Variants in NFIX observed in about 807,000 individuals in gnomAD.
The protein encoded by NFIX is nuclear factor I X.
In NFIX, 2 loss-of-function variants were observed where a neutral mutation model predicts 53.3. The observed-to-expected ratio is 0.04, with a 90% CI of 0.02 to 0.12. NFIX has a LOEUF of 0.12. Among genes scored for constraint, NFIX ranks in the 10% least tolerant of loss-of-function variants. NFIX has a pLI of 1.00. For synonymous variants in NFIX, 244 were observed against 289.0 expected, an observed-to-expected ratio of 0.84 and a Z score of 1.58; for missense variants, 310 against 674.5, an observed-to-expected ratio of 0.46 and a Z score of 5.99.
intron 2 of NFIX, among the ~76,000 whole-genome samples, chr19:13,029,691 A>C (rs1157794928): frequency 6.6e-6 from 1 of 152,104 alleles, no homozygotes; most frequent in Non-Finnish European, 1.5e-5. Flanking sequence ...AGGTCCCGGG[A>C]CAGCTGAGCT....
Position 13,095,395 on chromosome 19 carries a change from G to A in NFIX, c.*746G>A, listed in dbSNP as rs1281170127. ...CACCCTGAGCCGCAAGAGCAGTCCT[G>A]GGGCCCTGGACCCCTCTGTACAGTC... On this transcript the variant is annotated 3_prime_UTR_variant, in exon 11 of 11. Coordinates refer to ENST00000592199, the MANE Select transcript of NFIX (RefSeq NM_001365902.3). 1 of 152,356 alleles carries A rather than the reference G, an allele frequency of 6.6e-6. No homozygotes were observed. The highest frequency in any genetic ancestry group is 1.5e-5 in the Non-Finnish European group (1 of 68,176). 9.4% of individuals were successfully genotyped at this position (152,356 alleles called of 1,614,324 possible). A position where few individuals can be genotyped will look rare whatever the true frequency, so the allele number is the denominator to read the frequency against.
intron 8 of NFIX, among the ~76,000 whole-genome samples, chr19:13,083,005 AG>A (rs1398658059): frequency 6.6e-6 from 1 of 152,172 alleles, no homozygotes; most frequent in Non-Finnish European, 1.5e-5. Flanking sequence ...TCTGTCCCTA[AG>A]GGAAGCCAGT....
chr19:13,031,772 C>G (rs1277071463), intron 2 of NFIX, among the ~76,000 whole-genome samples: 4 of 152,186 alleles, frequency 2.6e-5, no homozygotes, highest in Non-Finnish European at 4.4e-5. Flanking sequence ...CTTGGCCACC[C>G]TCTAGTGTTA....
rs2012338147 is a variant in NFIX at position 13,011,464 on chromosome 19, T to C, written c.28-13557T>C. On this transcript the variant is annotated intron_variant, in intron 1 of 10. Coordinates refer to ENST00000592199, the MANE Select transcript of NFIX (RefSeq NM_001365902.3). The surrounding 1 kb of genome is among the most constrained non-coding windows in gnomAD (Gnocchi z 6.5). ...CTTCGCTCCAGGTGCGCCCGGGCGG[T>C]GGAGGCGAGTTCCCTGCGCGCATCA... Among the ~76,000 whole-genome samples the C allele has an allele frequency of 6.9e-6, 1 of 144,042 alleles. No individual in the cohort carries two copies. Among genetic ancestry groups the C allele is most frequent in the African/African-American group, 2.5e-5 (1 of 39,426 alleles). 94.5% of individuals were successfully genotyped at this position (144,042 alleles called of 152,430 possible).
chr19:13,085,069 CAAAAAAAA>C (rs555726363), intron 8 of NFIX, among the ~76,000 whole-genome samples: 1 of 54,946 alleles, frequency 1.8e-5, no homozygotes, highest in African/African-American at 6.4e-5. Flanking sequence ...GACTCCATCT[CAAAAAAAA>C]AAAAAAAAAA....
chr19:13,090,061 G>C lies in NFIX; in HGVS notation c.1403-238G>C, dbSNP rs2018040241. On this transcript the variant is annotated intron_variant, in intron 9 of 10. Transcript: ENST00000592199. This position sits in a 1 kb window ranked among gnomAD's most constrained non-coding sequence, Gnocchi z 6.6. ...GCTTCTGAGTGGGTGTGTGTCGGGG[G>C]TGTAGTGTGTGTTCCTGGTCAGTGA... is the stretch of plus-strand genomic sequence containing the variant. Among the ~76,000 whole-genome samples, 1 of 152,192 alleles carries C rather than the reference G, an allele frequency of 6.6e-6. No individual in the cohort carries two copies. Among genetic ancestry groups the C allele is most frequent in the African/African-American group, 2.4e-5 (1 of 41,448 alleles).
intron 6 of NFIX, among the ~76,000 whole-genome samples, chr19:13,076,095 C>T (rs1303439239): frequency 1.3e-5 from 2 of 152,282 alleles, no homozygotes; most frequent in East Asian, 3.9e-4. Flanking sequence ...CATCCCTGGC[C>T]TCCACCTACA....
chr19:13,094,739 C>G lies in NFIX; in HGVS notation c.*90C>G. The G allele has an allele frequency of 1.5e-6, 2 of 1,376,850 alleles. No individual in the cohort carries two copies. Among genetic ancestry groups the G allele is most frequent in the East Asian group, 5.0e-5 (2 of 39,850 alleles). 85.3% of individuals were successfully genotyped at this position (1,376,850 alleles called of 1,614,324 possible). On this transcript the variant is annotated 3_prime_UTR_variant, in exon 11 of 11. Coordinates refer to ENST00000592199, the MANE Select transcript of NFIX (RefSeq NM_001365902.3). The surrounding 1 kb of genome is among the most constrained non-coding windows in gnomAD (Gnocchi z 4.3). The stretch of plus-strand genomic sequence containing the variant: ...TTTGAGAATGGAAAAATCCCCCAGC[C>G]CAGCCCAGCCCCACCGAAAAGCAAA...
At chr19:13,050,066 T>A (rs1428420244) in intron 2 of NFIX, among the ~76,000 whole-genome samples, 1 of 152,222 alleles carries the variant, frequency 6.6e-6, no homozygotes, top group Non-Finnish European at 1.5e-5. Flanking sequence ...CTCTAGGGTA[T>A]ATACTTAGGA....
At chr19:13,084,873 C>T (rs565186716) in intron 8 of NFIX, among the ~76,000 whole-genome samples, 1 of 152,010 alleles carries the variant, frequency 6.6e-6, no homozygotes, top group Non-Finnish European at 1.5e-5. Context: ...AGTTCGAGAC[C>T]AGCCTGACCA....
At chr19:13,074,249 G>A (rs747610466) in intron 5 of NFIX, among the ~76,000 whole-genome samples, 2 of 152,174 alleles carry the variant, frequency 1.3e-5, no homozygotes, top group Non-Finnish European at 2.9e-5. Context: ...ACACAAACTC[G>A]CACAAGGCAT....
rs2145400983 is a variant in NFIX at position 13,066,831 on chromosome 19, G to A, written c.560-6216G>A. Among the ~76,000 whole-genome samples, 1 of 152,212 alleles carries A rather than the reference G, an allele frequency of 6.6e-6. No homozygotes were observed. The highest frequency in any genetic ancestry group is 1.9e-4 in the East Asian group (1 of 5,168). ...AGAGAAGGAGAGGAAGATCCTAGAAGCCCCGTGGGCCCAGACCCTGGCCAA... is the reference window on the plus strand; with the variant it reads ...AGAGAAGGAGAGGAAGATCCTAGAAACCCCGTGGGCCCAGACCCTGGCCAA... On this transcript the variant is annotated intron_variant, in intron 2 of 10. Coordinates refer to ENST00000592199, the MANE Select transcript of NFIX (RefSeq NM_001365902.3). The surrounding 1 kb of genome is among the most constrained non-coding windows in gnomAD (Gnocchi z 4.2).
chr19:13,040,844 G>A lies in NFIX; in HGVS notation c.559+15292G>A, dbSNP rs889025501. Among the ~76,000 whole-genome samples the A allele has an allele frequency of 1.3e-5, 2 of 152,106 alleles. No individual in the cohort carries two copies. The highest frequency in any genetic ancestry group is 2.1e-4 in the South Asian group (1 of 4,822). On this transcript the variant is annotated intron_variant, in intron 2 of 10. Coordinates refer to ENST00000592199, the MANE Select transcript of NFIX (RefSeq NM_001365902.3). This position sits in a 1 kb window ranked among gnomAD's most constrained non-coding sequence, Gnocchi z 4.2. ...CCGCTGCTGTACCTTTGCTTGCCTC[G>A]GATCTTAGAACTGTTTCCAGTAGTT... is the stretch of plus-strand genomic sequence containing the variant.
rs187851362 is a variant in NFIX at position 13,063,102 on chromosome 19, G to C, written c.560-9945G>C. On this transcript the variant is annotated intron_variant, in intron 2 of 10. Coordinates refer to ENST00000592199, the MANE Select transcript of NFIX (RefSeq NM_001365902.3). Reference sequence around the variant, plus strand: ...AGAGCAGGGGGCAGAGAGAGGTGGTGGGGGAGGCTGATGCTCCCCAATCCC... The same window carrying C: ...AGAGCAGGGGGCAGAGAGAGGTGGTCGGGGAGGCTGATGCTCCCCAATCCC... 3.5e-3 allele frequency among the ~76,000 whole-genome samples: 527 copies of C among 152,282 alleles called. 6 individuals are homozygous for C. Among genetic ancestry groups the C allele is most frequent in the African/African-American group, 0.012 (510 of 41,548 alleles).
At position 13,060,493 on chromosome 19, in the gene NFIX, G is replaced by C. The variant is rs954462662; in HGVS notation, c.560-12554G>C. ...CTTTGTGGGGCGCCTGCTGTGTGCAGAATCTACCCCGAAACCTATAGCTTA... is the reference window on the plus strand; with the variant it reads ...CTTTGTGGGGCGCCTGCTGTGTGCACAATCTACCCCGAAACCTATAGCTTA... On this transcript the variant is annotated intron_variant, in intron 2 of 10. Transcript: ENST00000592199. This position sits in a 1 kb window ranked among gnomAD's most constrained non-coding sequence, Gnocchi z 4.3. Among the ~76,000 whole-genome samples the C allele has an allele frequency of 1.3e-5, 2 of 152,242 alleles. No homozygotes were observed. The highest frequency in any genetic ancestry group is 4.1e-4 in the South Asian group (2 of 4,836).
At chr19:13,063,424 C>A (rs1194452206) in intron 2 of NFIX, among the ~76,000 whole-genome samples, 4 of 152,126 alleles carry the variant, frequency 2.6e-5, no homozygotes, top group Non-Finnish European at 5.9e-5. Flanking sequence ...GCATGCAGCC[C>A]AGCAGTTGTG....
At chr19:13,031,718 G>C (rs999342369) in intron 2 of NFIX, among the ~76,000 whole-genome samples, 1 of 152,166 alleles carries the variant, frequency 6.6e-6, no homozygotes, top group Non-Finnish European at 1.5e-5. Flanking sequence ...GCCTTATTTG[G>C]GGGATAGCTC....
rs575891725 is a variant in NFIX at position 13,081,952 on chromosome 19, G to A, written c.1254+97G>A. On this transcript the variant is annotated intron_variant, in intron 8 of 10. Coordinates refer to ENST00000592199, the MANE Select transcript of NFIX (RefSeq NM_001365902.3). The surrounding 1 kb of genome is among the most constrained non-coding windows in gnomAD (Gnocchi z 4.7). ...CAGGGAGAGGGCCCAAAAGCCAGGA[G>A]CCCACCTGGGGCTGGAGCAGCAGGG... The A allele has an allele frequency of 7.4e-4, 1,070 of 1,446,602 alleles. 2 individuals carry two copies. The highest frequency in any genetic ancestry group is 3.0e-3 in the Middle Eastern group (17 of 5,652). 89.6% of individuals were successfully genotyped at this position (1,446,602 alleles called of 1,614,324 possible). A position where few individuals can be genotyped will look rare whatever the true frequency, so the allele number is the denominator to read the frequency against.
At position 13,027,578 on chromosome 19, in the gene NFIX, C is replaced by T. The variant is rs1387912961; in HGVS notation, c.559+2026C>T. On this transcript the variant is annotated intron_variant, in intron 2 of 10. Coordinates refer to ENST00000592199, the MANE Select transcript of NFIX (RefSeq NM_001365902.3). This position sits in a 1 kb window ranked among gnomAD's most constrained non-coding sequence, Gnocchi z 4.3. ...CACTCATCTTCCTCTGAGCTGGCTT[C>T]CTCCAACCCCGCTCTCTGACTGGAT... Among the ~76,000 whole-genome samples the T allele has an allele frequency of 2.6e-5, 4 of 152,176 alleles. No homozygotes were observed. Among genetic ancestry groups the T allele is most frequent in the African/African-American group, 7.2e-5 (3 of 41,428 alleles).
Sources: allele counts gnomAD v4.1 joint callset (sites outside exome capture counted in the v4.1 genomes callset), GRCh38; gene constraint gnomAD v4.1.1; non-coding constraint Gnocchi (gnomAD v3.1); transcripts MANE v1.5; gene names NCBI Gene and HGNC (gene_info 2026-07-23, HGNC 2026-07-21).